ZNF273: variants seen among roughly 807,000 people sequenced by gnomAD.
ZNF273 encodes the protein zinc finger protein 273.
Under a neutral mutation model 14.9 loss-of-function variants are expected in ZNF273, and 11 were observed. The observed-to-expected ratio is 0.74, with a 90% CI of 0.46 to 1.22. The LOEUF (loss-of-function observed/expected upper bound fraction) is 1.22, where lower values mean the gene tolerates loss of function less well. Among genes scored for constraint, ZNF273 ranks in the 50% most tolerant of loss-of-function variants. ZNF273 has a pLI of 0.00. For missense variants in ZNF273, 577 were observed against 660.6 expected, an observed-to-expected ratio of 0.87 and a Z score of 1.39; for synonymous variants, 199 against 223.9, an observed-to-expected ratio of 0.89 and a Z score of 0.99.
downstream of ZNF273, chr7:64,880,041 A>G (rs1003610196): frequency 1.3e-5 from 2 of 152,248 alleles, no homozygotes; most frequent in Non-Finnish European, 2.9e-5. Flanking sequence ...GCGGGGCACC[A>G]GGAGCAAGTA....
At chr7:64,914,182 ATTTTTTTTT>A (rs375695781) in intron 1 of ZNF273, among the ~76,000 whole-genome samples, 6 of 70,890 alleles carry the variant, frequency 8.5e-5, no homozygotes, top group African/African-American at 3.3e-4. Context: ...TAATTTTTGT[ATTTTTTTTT>A]TTTTTTTTTT....
intron 3 of ZNF273, among the ~76,000 whole-genome samples, chr7:64,921,849 G>A (rs979878080): frequency 4.0e-5 from 6 of 151,530 alleles, no homozygotes; most frequent in Non-Finnish European, 5.9e-5. Flanking sequence ...GGCTGGTCTC[G>A]AACTCCTGAC....
intron 1 of ZNF273, among the ~76,000 whole-genome samples, chr7:64,886,332 T>C (rs1027499963): frequency 1.1e-4 from 16 of 152,082 alleles, no homozygotes; most frequent in African/African-American, 3.9e-4. Context: ...TGGGGTGGGG[T>C]AGACATGTCA....
At chr7:64,912,826 G>GTTTTGTTTTTTGTTTTTTTTTTT (rs746174998) in intron 1 of ZNF273, among the ~76,000 whole-genome samples, 23 of 36,568 alleles carry the variant, frequency 6.3e-4, no homozygotes, top group East Asian at 1.9e-3. Flanking sequence ...ATTCATTTTA[G>GTTTTGTTTTTTGTTTTTTTTTTT]TTTTTTTTTT....
chr7:64,884,890 G>A (rs907214566), intron 1 of ZNF273, among the ~76,000 whole-genome samples: 4 of 152,178 alleles, frequency 2.6e-5, no homozygotes, highest in Non-Finnish European at 2.9e-5. Context: ...AGTGATTGTC[G>A]CAGGCAGCAT....
At chr7:64,880,195 G>A (rs947484276), downstream of ZNF273, 5 of 152,388 alleles carry the variant, frequency 3.3e-5, no homozygotes, top group African/African-American at 1.2e-4. Context: ...ATACTCCCAC[G>A]ATCCAGGATA....
chr7:64,916,370 T>A (rs10243177), intron 1 of ZNF273, among the ~76,000 whole-genome samples: 61,181 of 122,412 alleles, frequency 0.5, 14,032 homozygotes, highest in Admixed American at 0.55. Flanking sequence ...ACTAAAAATG[T>A]AAAAAAAAAA....
intron 1 of ZNF273, chr7:64,916,907 A>T: frequency 1.2e-6 from 1 of 809,026 alleles, no homozygotes; most frequent in East Asian, 9.3e-5. Context: ...TTCTTTATTA[A>T]GTATCTTTAT....
chr7:64,891,990 C>T (rs1792066081), downstream of ZNF273, among the ~76,000 whole-genome samples: 1 of 152,174 alleles, frequency 6.6e-6, no homozygotes, highest in Non-Finnish European at 1.5e-5. Flanking sequence ...CCCAATCCAT[C>T]CCTCACCTAC....
In ZNF273 at chr7:64,903,331, C is replaced by G. The variant is rs764797996; in HGVS notation, c.14C>G (p.Pro5Arg). The change falls in exon 1 of 4, where the codon CCT (proline) becomes CGT (arginine). Residue 5 changes from proline to arginine, a missense_variant. Physicochemically the swap from Pro to Arg is moderately radical, Grantham distance 103. Around this residue, in one of 3 missense-constraint regions of ZNF273, gnomAD observed 162 missense variants for 203.5 expected, o/e 0.80. Coordinates refer to ENST00000476120, the MANE Select transcript of ZNF273 (RefSeq NM_021148.3). ...CTTCACTGCTCTATGTCCTCTGCTCCTAGAGGTCCACCTTCTGTGGCCCCG... is the reference window on the plus strand; with the variant it reads ...CTTCACTGCTCTATGTCCTCTGCTCGTAGAGGTCCACCTTCTGTGGCCCCG... MSSA[P>R]RGPPSVAPLP... The G allele has an allele frequency of 1.5e-5, 24 of 1,612,750 alleles. No individual in the cohort carries two copies. The highest frequency in any genetic ancestry group is 2.0e-5 in the Non-Finnish European group (23 of 1,179,102).
downstream of ZNF273, chr7:64,933,610 G>A (rs1382297311): frequency 1.3e-5 from 2 of 152,136 alleles, no homozygotes; most frequent in African/African-American, 4.8e-5. Flanking sequence ...AGAACATGCT[G>A]TTAAATATCA....
At chr7:64,903,510 C>T in intron 1 of ZNF273, 91 bp downstream of exon 1, 5 of 1,269,446 alleles carry the variant, frequency 3.9e-6, no homozygotes, top group Non-Finnish European at 5.7e-6. Context: ...GGCCTCCCTG[C>T]AGTAGACTCC....
In ZNF273 at chr7:64,918,304, T is replaced by G; in HGVS notation, c.325+12T>G. The G allele has an allele frequency of 6.5e-7, 1 of 1,544,006 alleles. No homozygotes were observed. The highest frequency in any genetic ancestry group is 8.8e-7 in the Non-Finnish European group (1 of 1,139,514). On this transcript the variant is annotated intron_variant, in intron 3 of 3. Coordinates refer to ENST00000476120, the MANE Select transcript of ZNF273 (RefSeq NM_021148.3). ...AGCCAAACCCCCAGGTAGGTGAGAG[T>G]GATAGCGAATATAACAGATGACACA...
rs555711130 is a variant in ZNF273, at chr7:64,926,780, G to A, written c.326-874G>A. Among the ~76,000 whole-genome samples, 52 of 152,234 alleles carry A rather than the reference G, an allele frequency of 3.4e-4. 1 individual carries two copies. In the South Asian group the frequency reaches 0.011, roughly 31 times the overall value. On this transcript the variant is annotated intron_variant, in intron 3 of 3. Transcript: ENST00000476120. ...GAGATTTTGGTAGTCTCTCAAACATGTTCTTAAAATGTGTCTTTTCTGAAA... is the reference window on the plus strand; with the variant it reads ...GAGATTTTGGTAGTCTCTCAAACATATTCTTAAAATGTGTCTTTTCTGAAA...
At chr7:64,900,482 C>T (rs1049948568), upstream of ZNF273, among the ~76,000 whole-genome samples, 5 of 152,258 alleles carry the variant, frequency 3.3e-5, no homozygotes, top group South Asian at 8.3e-4. Flanking sequence ...CCAAAAGCAG[C>T]CTGAAAAATC....
intron 3 of ZNF273, chr7:64,923,341 TTTTTTA>T (rs1562963822): frequency 8.8e-6 from 4 of 455,470 alleles, no homozygotes; most frequent in South Asian, 4.7e-5. Flanking sequence ...GTGTGTGTGT[TTTTTTA>T]TTTTTATTTT....
chr7:64,927,911 A>G lies in ZNF273; in HGVS notation c.583A>G (p.Ile195Val). ...CCTTCATAAATTCTCAAATTCAAAT[A>G]TACATAAGAAAAGACAAACTGGAAA... ...KVLHKFSNSN[I>V]HKKRQTGKKP... The change falls in exon 4 of 4, where the codon ATA becomes GTA. Residue 195 changes from isoleucine to valine, a missense_variant. Ile to Val is a conservative substitution (Grantham distance 29, BLOSUM62 3). This residue lies in a region of ZNF273 where 411 missense variants were observed against 440.4 expected (regional missense o/e 0.93). Transcript: ENST00000476120. 2.5e-6 allele frequency: 4 copies of G among 1,613,454 alleles called. No homozygotes were observed. Among genetic ancestry groups the G allele is most frequent in the Non-Finnish European group, 3.4e-6 (4 of 1,179,794 alleles).
At chr7:64,914,408 TAAA>T (rs112623708) in intron 1 of ZNF273, among the ~76,000 whole-genome samples, 131 of 150,120 alleles carry the variant, frequency 8.7e-4, no homozygotes, top group Non-Finnish European at 1.3e-3. Context: ...ACCTTGCCAT[TAAA>T]AAAAAATTGG....
chr7:64,918,357 A>T (rs991409755), intron 3 of ZNF273, 65 bp downstream of exon 3: 2 of 1,424,034 alleles, frequency 1.4e-6, no homozygotes, highest in East Asian at 6.7e-5. Flanking sequence ...TCAAGGAGAA[A>T]GTCAGTTCTT....
Sources: gnomAD v4.1 joint callset for allele counts (sites outside exome capture counted in the v4.1 genomes callset) on GRCh38, gnomAD v4.1.1 for gene constraint, gnomAD v4.1.1 regional missense constraint, MANE v1.5 for transcripts, NCBI Gene and HGNC (gene_info 2026-07-23, HGNC 2026-07-21) for gene names.